LARP1: variants seen among roughly 807,000 people sequenced by gnomAD.
LARP1 encodes the protein la-related protein 1.
In LARP1, 36 loss-of-function variants were observed where a neutral mutation model predicts 122.7. The observed-to-expected ratio is 0.29, with a 90% CI of 0.22 to 0.39. The LOEUF is 0.39. Ranked by LOEUF, LARP1 falls within the 10% of genes least tolerant of loss-of-function variation. The probability of loss-of-function intolerance (pLI) is 1.00; values close to 1 mark genes in which losing one functional copy is unlikely to be tolerated. For synonymous variants in LARP1, 539 were observed against 528.7 expected (o/e 1.02, Z -0.27); for missense variants, 1,040 against 1,403.6 (o/e 0.74, Z 4.14).
chr5:154,697,015 A>T (rs1754497427), intron 1 of LARP1, among the ~76,000 whole-genome samples: 1 of 152,172 alleles, frequency 6.6e-6, no homozygotes, highest in African/African-American at 2.4e-5. Context: ...GCAATCTGAT[A>T]CGCATTTGTT....
At chr5:154,687,351 A>G (rs1461025148) in intron 1 of LARP1, among the ~76,000 whole-genome samples, 3 of 151,998 alleles carry the variant, frequency 2.0e-5, no homozygotes. Flanking sequence ...CCTTATGTTT[A>G]TTTTTTTCAG....
intron 1 of LARP1, chr5:154,786,452 GA>G (rs1383797778): frequency 4.4e-6 from 2 of 456,094 alleles, no homozygotes; most frequent in Non-Finnish European, 8.8e-6. Flanking sequence ...CTCTGGGACA[GA>G]AGGTGGTTTT....
chr5:154,801,391 T>TA (rs770587284), intron 10 of LARP1, among the ~76,000 whole-genome samples: 43 of 152,238 alleles, frequency 2.8e-4, no homozygotes, highest in Non-Finnish European at 5.0e-4. Flanking sequence ...AACCTGCTTA[T>TA]AGCCTTTACC....
rs1377333929 is a variant in LARP1 at position 154,816,871 on chromosome 5, C to T, written c.*2775C>T. ...GTTAAGGGGCAGGTTTCTCTTTAGC[C>T]CTCTTCCTGCACTTGGGAGCAAAGG... On this transcript the variant is annotated 3_prime_UTR_variant, in exon 19 of 19. Transcript: ENST00000518297. 2 of 152,262 alleles carry T rather than the reference C, an allele frequency of 1.3e-5. No homozygotes were observed. The highest frequency in any genetic ancestry group is 1.3e-4 in the Admixed American group (2 of 15,292). The allele number at this position is 152,262 out of a possible 1,614,324, so 9.4% of individuals were successfully genotyped here.
At chr5:154,746,874 C>T (rs888622263) in intron 1 of LARP1, among the ~76,000 whole-genome samples, 1 of 152,186 alleles carries the variant, frequency 6.6e-6, no homozygotes, top group African/African-American at 2.4e-5. Context: ...GTGGCTCATA[C>T]CTGTAATCCC....
intron 1 of LARP1, among the ~76,000 whole-genome samples, chr5:154,723,548 G>C (rs1301227048): frequency 1.3e-5 from 2 of 152,162 alleles, no homozygotes; most frequent in African/African-American, 4.8e-5. Context: ...TGAAGATACA[G>C]GTTCTAGTTC....
intron 1 of LARP1, among the ~76,000 whole-genome samples, chr5:154,684,600 T>C (rs1033614629): frequency 6.6e-6 from 1 of 152,118 alleles, no homozygotes; most frequent in Non-Finnish European, 1.5e-5. Context: ...TTCCGGTCTA[T>C]TCATGGGTAC....
At chr5:154,702,188 C>T (rs1272443225) in intron 1 of LARP1, among the ~76,000 whole-genome samples, 2 of 152,188 alleles carry the variant, frequency 1.3e-5, no homozygotes, top group African/African-American at 2.4e-5. Flanking sequence ...TTCCCTCTCA[C>T]CTGCATTCTG....
upstream of LARP1, among the ~76,000 whole-genome samples, chr5:154,751,149 C>T (rs1008956651): frequency 2.0e-5 from 3 of 152,064 alleles, no homozygotes; most frequent in African/African-American, 7.3e-5. Flanking sequence ...TCCATAAATA[C>T]TTATGGATAT....
chr5:154,779,708 A>G (rs1582387396), intron 1 of LARP1, among the ~76,000 whole-genome samples: 1 of 151,948 alleles, frequency 6.6e-6, no homozygotes, highest in East Asian at 1.9e-4. Context: ...GGGTTTCTCC[A>G]TGTTGGTCAG....
chr5:154,730,377 A>C (rs1386556675), intron 1 of LARP1, among the ~76,000 whole-genome samples: 1 of 151,822 alleles, frequency 6.6e-6, no homozygotes, highest in African/African-American at 2.4e-5. Flanking sequence ...ATTTTCCTGC[A>C]ACTGATTAAT....
chr5:154,693,856 A>C (rs1480461757), intron 1 of LARP1, among the ~76,000 whole-genome samples: 86 of 142,608 alleles, frequency 6.0e-4, no homozygotes, highest in Non-Finnish European at 6.0e-4. Context: ...ACTCCGTCTA[A>C]AAAAAAAAAA....
chr5:154,771,634 A>T (rs554375847), intron 1 of LARP1, among the ~76,000 whole-genome samples: 1 of 152,226 alleles, frequency 6.6e-6, no homozygotes, highest in Non-Finnish European at 1.5e-5. Context: ...ATATCTGTAT[A>T]GGGCTGTTAC....
chr5:154,747,018 C>T (rs1284829435), intron 1 of LARP1, among the ~76,000 whole-genome samples: 1 of 151,986 alleles, frequency 6.6e-6, no homozygotes, highest in African/African-American at 2.4e-5. Flanking sequence ...GTAATCTCAG[C>T]GGCTCGGGAG....
chr5:154,793,962 G>A lies in LARP1; in HGVS notation c.1031G>A (p.Arg344His), dbSNP rs1389218227. 8 of 1,612,062 alleles carry A rather than the reference G, an allele frequency of 5.0e-6. No individual in the cohort carries two copies. The highest frequency in any genetic ancestry group is 1.1e-5 in the South Asian group (1 of 90,998). The change falls in exon 6 of 19, where the codon CGT (arginine) becomes CAT (histidine). Residue 344 changes from arginine to histidine, a missense_variant. Coordinates refer to ENST00000518297, the MANE Select transcript of LARP1 (RefSeq NM_033551.3). ...TCCTTCCGTGGCCGTGGACGGGGGC[G>A]TGGTCGCGGCCGGGGACGCGGCCGG... ...RASFRGRGRG[R>H]GRGRGRGRGG... is the part of the protein sequence containing the mutation.
chr5:154,804,025 G>A (rs1407990100), intron 13 of LARP1, among the ~76,000 whole-genome samples, 176 bp from the exon 14 acceptor site: 1 of 152,166 alleles, frequency 6.6e-6, no homozygotes, highest in African/African-American at 2.4e-5. Flanking sequence ...TTCTTCACCT[G>A]TTTGAAATAG....
At position 154,770,518 on chromosome 5, in the gene LARP1, C is replaced by G. The variant is rs200559257; in HGVS notation, c.436+14325C>G. ...TGCCCATCCCTGGCTCTCTCCCTGC[C>G]CCAGGGTAGAGGTGGAATGAGGGTA... On this transcript the variant is annotated intron_variant, in intron 1 of 18. Coordinates refer to ENST00000518297, the MANE Select transcript of LARP1 (RefSeq NM_033551.3). 7.2e-5 allele frequency among the ~76,000 whole-genome samples: 11 copies of G among 152,144 alleles called. No individual in the cohort carries two copies. The East Asian group carries it at 1.9e-3, about 27-fold the overall frequency.
At chr5:154,776,484 C>T (rs1390953404) in intron 1 of LARP1, among the ~76,000 whole-genome samples, 1 of 152,190 alleles carries the variant, frequency 6.6e-6, no homozygotes, top group Non-Finnish European at 1.5e-5. Context: ...ACTACCTGCT[C>T]TTGTAAACCA....
At chr5:154,804,686 T>C (rs568781886) in intron 14 of LARP1, 41 of 425,648 alleles carry the variant, frequency 9.6e-5, no homozygotes, top group African/African-American at 7.5e-4. Context: ...TTTTAAAAAT[T>C]AAAAAAATAC....
Sources: allele counts gnomAD v4.1 joint callset (sites outside exome capture counted in the v4.1 genomes callset), GRCh38; gene constraint gnomAD v4.1.1; transcripts MANE v1.5; gene names NCBI Gene and HGNC (gene_info 2026-07-23, HGNC 2026-07-21).